MAP3K2: variants seen among roughly 807,000 people sequenced by gnomAD.
The protein encoded by MAP3K2 is MAP/ERK kinase kinase 2.
A neutral mutation model predicts 80.3 loss-of-function variants in MAP3K2; 24 were observed. The observed-to-expected ratio is 0.30, with a 90% CI of 0.22 to 0.42. MAP3K2 has a LOEUF of 0.42. MAP3K2 is among the 10% of genes least tolerant of loss of function. The pLI is 1.00. For missense variants in MAP3K2, 608 were observed against 750.1 expected, an observed-to-expected ratio of 0.81 and a Z score of 2.21; for synonymous variants, 244 against 253.7, an observed-to-expected ratio of 0.96 and a Z score of 0.36.
chr2:127,366,040 T>C (rs1686964924), intron 1 of MAP3K2, among the ~76,000 whole-genome samples: 1 of 152,196 alleles, frequency 6.6e-6, no homozygotes, highest in African/African-American at 2.4e-5. Context: ...GGTCTCCAAT[T>C]TGACTGCTTC....
At chr2:127,379,340 C>T (rs1276750228) in intron 1 of MAP3K2, among the ~76,000 whole-genome samples, 2 of 151,922 alleles carry the variant, frequency 1.3e-5, no homozygotes, top group South Asian at 2.1e-4. Context: ...TGCTAGGCAC[C>T]GTCCTAAACA....
intron 1 of MAP3K2, among the ~76,000 whole-genome samples, chr2:127,373,109 T>C (rs762084711): frequency 2.0e-5 from 3 of 152,212 alleles, no homozygotes; most frequent in African/African-American, 2.4e-5. Context: ...CTGATTCCAA[T>C]GGAAAGTGCT....
chr2:127,330,719 C>A (rs1435588968), intron 5 of MAP3K2, among the ~76,000 whole-genome samples: 3 of 152,092 alleles, frequency 2.0e-5, no homozygotes, highest in Non-Finnish European at 4.4e-5. Context: ...TTAAATTTTT[C>A]TTTATTAATC....
rs553428196 is a variant in MAP3K2 at position 127,378,250 on chromosome 2, T to C, written c.-66+9202A>G. On this transcript the variant is annotated intron_variant, in intron 1 of 16. Transcript: ENST00000682094. ...GAGCTGAAACAAAACTGGTACATTATTATTACGTAGTGCTGAATCCTTTGT... is the reference window on the plus strand; with the variant it reads ...GAGCTGAAACAAAACTGGTACATTACTATTACGTAGTGCTGAATCCTTTGT... 4.6e-5 allele frequency: 22 copies of C among 473,880 alleles called. No individual in the cohort carries two copies. In the South Asian group the frequency reaches 1.3e-3, roughly 27 times the overall value. 29.4% of individuals were successfully genotyped at this position (473,880 alleles called of 1,614,324 possible).
intron 6 of MAP3K2, among the ~76,000 whole-genome samples, 186 bp downstream of exon 6, chr2:127,330,206 T>C (rs1686225508): frequency 6.6e-6 from 1 of 152,234 alleles, no homozygotes; most frequent in Non-Finnish European, 1.5e-5. Flanking sequence ...ATTATACTTA[T>C]TTATAACTAT....
At chr2:127,331,699 G>C (rs1335095615) in intron 5 of MAP3K2, among the ~76,000 whole-genome samples, 3 of 152,188 alleles carry the variant, frequency 2.0e-5, no homozygotes, top group Non-Finnish European at 4.4e-5. Flanking sequence ...TCTGCCTCCT[G>C]GTTTCAAGTG....
chr2:127,330,100 T>C, intron 6 of MAP3K2, 92 bp from the exon 7 acceptor site: 1 of 744,000 alleles, frequency 1.3e-6, no homozygotes, highest in South Asian at 1.6e-5. Flanking sequence ...CATTTTATAT[T>C]GTTTGTGAGC....
In MAP3K2 at chr2:127,318,214, A is replaced by C; in HGVS notation, c.1149T>G (p.Ala383=). ...CYDVDTGREL[A]VKQVQFDPDS... is the part of the protein sequence containing the mutation. ...CGGGGTCAAATTGAACTTGCTTAAC[A>C]GCCAATTCTCTTCCTGTATCAACAT... The change falls in exon 13 of 17, where the codon GCT becomes GCG. Residue 383 remains alanine, a synonymous_variant. Coordinates refer to ENST00000682094, the MANE Select transcript of MAP3K2 (RefSeq NM_001371910.2). 6.2e-7 allele frequency: 1 copy of C among 1,611,552 alleles called. No homozygotes were observed. Among genetic ancestry groups the C allele is most frequent in the Non-Finnish European group, 8.5e-7 (1 of 1,178,998 alleles).
At chr2:127,384,800 C>G (rs998347742) in intron 1 of MAP3K2, among the ~76,000 whole-genome samples, 2 of 152,076 alleles carry the variant, frequency 1.3e-5, no homozygotes, top group African/African-American at 4.8e-5. Context: ...ATCACCACAA[C>G]CGGCTAACCT....
intron 5 of MAP3K2, among the ~76,000 whole-genome samples, chr2:127,332,005 G>A (rs1020198608): frequency 2.0e-5 from 3 of 152,200 alleles, no homozygotes; most frequent in African/African-American, 7.2e-5. Flanking sequence ...TTACTCTGTT[G>A]TTAAAATATA....
intron 14 of MAP3K2, chr2:127,317,046 A>C (rs1275357888): frequency 8.6e-6 from 1 of 116,512 alleles, no homozygotes; most frequent in Non-Finnish European, 1.9e-5. Flanking sequence ...AATCCATGAG[A>C]ATTTTTTTTT....
intron 12 of MAP3K2, among the ~76,000 whole-genome samples, chr2:127,319,522 C>G (rs1358288380): frequency 1.3e-5 from 2 of 151,684 alleles, no homozygotes; most frequent in Non-Finnish European, 2.9e-5. Context: ...AAAGAAAGGC[C>G]AAGGCTGGGC....
chr2:127,386,481 A>G lies in MAP3K2; in HGVS notation c.-66+971T>C, dbSNP rs182893804. 2.3e-3 allele frequency among the ~76,000 whole-genome samples: 355 copies of G among 152,366 alleles called. 1 individual carries two copies. The highest frequency in any genetic ancestry group is 7.7e-3 in the African/African-American group (322 of 41,578). On this transcript the variant is annotated intron_variant, in intron 1 of 16. Transcript: ENST00000682094. ...ATAATCCAGCAACAAATTTTGCAAC[A>G]AGGAAATCTCAAGCAAATAACCCAA... is the stretch of plus-strand genomic sequence containing the variant.
Position 127,373,444 on chromosome 2 carries a change from T to A in MAP3K2, c.-66+14008A>T, listed in dbSNP as rs142603891. Among the ~76,000 whole-genome samples the A allele has an allele frequency of 5.7e-3, 872 of 152,304 alleles. 6 individuals carry two copies. Among genetic ancestry groups the A allele is most frequent in the Non-Finnish European group, 8.0e-3 (545 of 68,028 alleles). ...CACACCTTAAATGATTATCAGAAATTACTAGGTGATATTAACTGGCTTTGC... is the reference window on the plus strand; with the variant it reads ...CACACCTTAAATGATTATCAGAAATAACTAGGTGATATTAACTGGCTTTGC... On this transcript the variant is annotated intron_variant, in intron 1 of 16. Transcript: ENST00000682094.
rs1475753766 is a variant in MAP3K2 at position 127,304,335 on chromosome 2, T to C, written c.*3244A>G. On this transcript the variant is annotated 3_prime_UTR_variant, in exon 17 of 17. Coordinates refer to ENST00000682094, the MANE Select transcript of MAP3K2 (RefSeq NM_001371910.2). The stretch of plus-strand genomic sequence containing the variant: ...ACCCATCAAAATTTCCACTAGTCAT[T>C]ATGATTTTTTTAACCCTTTTATTCA... 1.3e-5 allele frequency: 2 copies of C among 152,174 alleles called. No homozygotes were observed. The highest frequency in any genetic ancestry group is 2.4e-5 in the African/African-American group (1 of 41,452). The allele number at this position is 152,174 out of a possible 1,614,324, so 9.4% of individuals were successfully genotyped here.
chr2:127,382,727 T>G (rs971636881), intron 1 of MAP3K2, among the ~76,000 whole-genome samples: 1 of 152,214 alleles, frequency 6.6e-6, no homozygotes, highest in African/African-American at 2.4e-5. Context: ...GGTTTCACCA[T>G]GTTGGTCAGG....
intron 1 of MAP3K2, among the ~76,000 whole-genome samples, chr2:127,368,900 T>G (rs955697616): frequency 2.0e-5 from 3 of 151,844 alleles, no homozygotes; most frequent in Admixed American, 6.6e-5. Context: ...CATTTGCCAC[T>G]GCACCCAGCT....
chr2:127,360,998 T>C (rs868240263), intron 1 of MAP3K2, among the ~76,000 whole-genome samples: 5 of 152,042 alleles, frequency 3.3e-5, no homozygotes, highest in Admixed American at 6.6e-5. Context: ...TTGTACCCTA[T>C]CATTTACTCA....
At chr2:127,385,238 G>A (rs1469197018) in intron 1 of MAP3K2, among the ~76,000 whole-genome samples, 2 of 152,090 alleles carry the variant, frequency 1.3e-5, no homozygotes, top group Non-Finnish European at 2.9e-5. Context: ...TTAAGAAATT[G>A]CCTCAGCCAT....
Sources: gnomAD v4.1 joint callset for allele counts (sites outside exome capture counted in the v4.1 genomes callset) on GRCh38, gnomAD v4.1.1 for gene constraint, MANE v1.5 for transcripts, NCBI Gene and HGNC (gene_info 2026-07-23, HGNC 2026-07-21) for gene names.